Variants in MED13L observed in about 807,000 individuals in gnomAD.
The protein encoded by MED13L is mediator of RNA polymerase II transcription subunit 13-like.
MED13L carries 7 observed loss-of-function variants against 220.9 expected under a neutral mutation model. The observed-to-expected ratio is 0.03, with a 90% CI of 0.02 to 0.06. MED13L has a LOEUF of 0.06. MED13L is among the 10% of genes least tolerant of loss of function. The probability of loss-of-function intolerance (pLI) is 1.00; values close to 1 mark genes in which losing one functional copy is unlikely to be tolerated. For synonymous variants in MED13L, 1,011 were observed against 1,015.2 expected (o/e 1.00, Z 0.08); for missense variants, 1,965 against 2,760.5 (o/e 0.71, Z 6.46).
At chr12:116,013,226 C>T (rs1335743542) in intron 8 of MED13L, among the ~76,000 whole-genome samples, 2 of 152,010 alleles carry the variant, frequency 1.3e-5, no homozygotes, top group Non-Finnish European at 1.5e-5. Context: ...AAAAATTAGC[C>T]GGGCATGGTG....
At chr12:116,239,774 T>C (rs758279688) in intron 1 of MED13L, among the ~76,000 whole-genome samples, 22 of 152,186 alleles carry the variant, frequency 1.4e-4, no homozygotes, top group Non-Finnish European at 2.2e-4. Flanking sequence ...CCAATACAAA[T>C]AGCCACCTCC....
chr12:116,188,181 G>T (rs1881025771), intron 2 of MED13L, among the ~76,000 whole-genome samples: 1 of 151,082 alleles, frequency 6.6e-6, no homozygotes, highest in South Asian at 2.1e-4. Context: ...ATCCTGAAAA[G>T]AAATTATAAA....
chr12:116,087,013 A>G (rs1177978450), intron 4 of MED13L, among the ~76,000 whole-genome samples: 1 of 152,220 alleles, frequency 6.6e-6, no homozygotes, highest in Non-Finnish European at 1.5e-5. Flanking sequence ...AAAGATTTAT[A>G]GTAGAAACAC....
chr12:116,124,152 C>CAGAG (rs1555213761), intron 2 of MED13L, among the ~76,000 whole-genome samples: 205 of 108,650 alleles, frequency 1.9e-3, no homozygotes, highest in Middle Eastern at 4.5e-3. Context: ...GAGAGAGAGA[C>CAGAG]AGAGACAGAG....
intron 2 of MED13L, chr12:116,230,638 GA>G (rs1869465103): frequency 4.2e-6 from 1 of 235,910 alleles, no homozygotes; most frequent in Non-Finnish European, 6.9e-6. Flanking sequence ...AAAAAAGATA[GA>G]AAAACAGAGT....
chr12:116,277,021 T>A, intron 1 of MED13L, 39 bp downstream of exon 1: 189 of 1,118,502 alleles, frequency 1.7e-4, no homozygotes, highest in Middle Eastern at 5.1e-4. Context: ...CCCCCCCCCT[T>A]CCCCGGCACA....
At chr12:116,041,449 C>T (rs567322599) in intron 4 of MED13L, among the ~76,000 whole-genome samples, 15 of 152,230 alleles carry the variant, frequency 9.9e-5, no homozygotes, top group Middle Eastern at 6.8e-3. Context: ...AATACAGGCC[C>T]GAAGAGATCT....
chr12:116,154,197 T>C (rs868806448), intron 2 of MED13L, among the ~76,000 whole-genome samples: 6 of 152,188 alleles, frequency 3.9e-5, no homozygotes, highest in African/African-American at 7.2e-5. Flanking sequence ...AAATGAAATG[T>C]GGTGGTTTGC....
intron 2 of MED13L, among the ~76,000 whole-genome samples, chr12:116,217,571 G>T (rs1387604963): frequency 6.6e-6 from 1 of 152,162 alleles, no homozygotes; most frequent in Non-Finnish European, 1.5e-5. Context: ...ACAAACTGCT[G>T]ATGTTACAGC....
intron 4 of MED13L, among the ~76,000 whole-genome samples, chr12:116,043,180 T>C (rs1881639086): frequency 6.6e-6 from 1 of 152,186 alleles, no homozygotes; most frequent in Admixed American, 6.5e-5. Flanking sequence ...TTAATCATGA[T>C]ACTCTGAATC....
chr12:116,019,804 A>C lies in MED13L; in HGVS notation c.794T>G (p.Phe265Cys), dbSNP rs1879945838. ...EEDELGYDDD[F>C]PVAVEVIVGG... ...AACAATTACTTCAACTGCCACAGGG[A>C]AATCATCATCATATCCCAACTCGTC... Residue 265 changes from phenylalanine (F) to cysteine (C), a missense_variant, in exon 6 of 31, where the codon TTC (phenylalanine) becomes TGC (cysteine). Transcript: ENST00000281928. The C allele has an allele frequency of 1.1e-5, 17 of 1,614,044 alleles. No individual in the cohort carries two copies. Among genetic ancestry groups the C allele is most frequent in the Non-Finnish European group, 1.3e-5 (15 of 1,179,938 alleles).
Position 116,251,113 on chromosome 12 carries a change from C to T in MED13L, c.73-13408G>A, listed in dbSNP as rs1466561465. ...AATAAATGGAGCCATAAAAAATACT[C>T]AAAATAATCCAAAGTAGGTTTAAAA... is the stretch of plus-strand genomic sequence containing the variant. On this transcript the variant is annotated intron_variant, in intron 1 of 30. Coordinates refer to ENST00000281928, the MANE Select transcript of MED13L (RefSeq NM_015335.5). Among the ~76,000 whole-genome samples the T allele has an allele frequency of 5.5e-5, 8 of 146,084 alleles. No individual in the cohort carries two copies. The East Asian group carries it at 1.6e-3, about 30-fold the overall frequency.
At chr12:116,051,112 G>T (rs541348751) in intron 4 of MED13L, among the ~76,000 whole-genome samples, 1 of 151,650 alleles carries the variant, frequency 6.6e-6, no homozygotes, top group South Asian at 2.1e-4. Context: ...TAAGGAAATG[G>T]GTTGTTTATA....
At chr12:116,271,040 C>CAAAAAAAAAAAAAAAAAAA (rs58162276) in intron 1 of MED13L, among the ~76,000 whole-genome samples, 1 of 30,096 alleles carries the variant, frequency 3.3e-5, no homozygotes, top group Non-Finnish European at 5.8e-5. Context: ...GACTCCGTCT[C>CAAAAAAAAAAAAAAAAAAA]AAAAAAAAAA....
At chr12:116,015,509 T>C (rs1219690390) in intron 7 of MED13L, among the ~76,000 whole-genome samples, 2 of 152,208 alleles carry the variant, frequency 1.3e-5, no homozygotes, top group Admixed American at 6.5e-5. Flanking sequence ...CTAAATCAAT[T>C]AATCAGATGA....
At chr12:116,232,330 CA>C (rs542887161) in intron 2 of MED13L, among the ~76,000 whole-genome samples, 127 of 151,632 alleles carry the variant, frequency 8.4e-4, no homozygotes, top group African/African-American at 3.0e-3. Context: ...GTCTAATAAT[CA>C]AAAAAAGAGA....
chr12:116,201,936 A>G (rs1212629188), intron 2 of MED13L, among the ~76,000 whole-genome samples: 1 of 152,240 alleles, frequency 6.6e-6, no homozygotes, highest in Non-Finnish European at 1.5e-5. Context: ...TATGGCATTA[A>G]AGAAATATGC....
rs755985478 is a variant in MED13L, at chr12:115,975,563, T to C, written c.5540A>G (p.His1847Arg). 1.9e-5 allele frequency: 31 copies of C among 1,614,004 alleles called. No individual in the cohort carries two copies. The Admixed American group carries it at 3.5e-4, about 18-fold the overall frequency. ...AACGCAGGTCTCTAATAATTCCCCATGGAGGTCAGTGCAGGAAGCCAAAAG... is the reference window on the plus strand; with the variant it reads ...AACGCAGGTCTCTAATAATTCCCCACGGAGGTCAGTGCAGGAAGCCAAAAG... ...RWLLASCTDL[H>R]GELLETCVVN... Residue 1847 changes from histidine to arginine, a missense_variant, in exon 24 of 31, where the codon CAT (histidine) becomes CGT (arginine). By Grantham distance (29) the His-to-Arg change is conservative. This residue lies in a region of MED13L where 510 missense variants were observed against 620.4 expected (regional missense o/e 0.82). Coordinates refer to ENST00000281928, the MANE Select transcript of MED13L (RefSeq NM_015335.5).
intron 2 of MED13L, among the ~76,000 whole-genome samples, chr12:116,185,742 G>A (rs1035915251): frequency 4.0e-5 from 6 of 150,696 alleles, no homozygotes; most frequent in Non-Finnish European, 5.9e-5. Context: ...TGTCACCCAG[G>A]CTGGAGTGCA....
Sources: gnomAD v4.1 joint callset for allele counts (sites outside exome capture counted in the v4.1 genomes callset) on GRCh38, gnomAD v4.1.1 for gene constraint, gnomAD v4.1.1 regional missense constraint, MANE v1.5 for transcripts, NCBI Gene and HGNC (gene_info 2026-07-23, HGNC 2026-07-21) for gene names.